Variants in UGGT2 observed in about 807,000 individuals in gnomAD.
The protein encoded by UGGT2 is UDP-glucose glycoprotein glucosyltransferase 2, also known as UDP-glucose:glycoprotein glucosyltransferase 2.
UGGT2 carries 180 observed loss-of-function variants against 192.1 expected under a neutral mutation model. The ratio of observed to expected loss-of-function variants is 0.94; its 90% CI spans 0.83 to 1.06. UGGT2 has a LOEUF of 1.06. UGGT2 is among the 50% of genes least tolerant of loss of function. UGGT2 has a pLI of 0.00. For synonymous variants in UGGT2, 580 were observed against 591.0 expected (o/e 0.98, Z 0.27); for missense variants, 1,849 against 1,795.7 (o/e 1.03, Z -0.54).
At chr13:95,979,642 A>C (rs1465895441) in intron 10 of UGGT2, among the ~76,000 whole-genome samples, 2 of 150,878 alleles carry the variant, frequency 1.3e-5, no homozygotes, top group East Asian at 2.0e-4. Flanking sequence ...TATTCTTCTT[A>C]TTATGAGTAA....
chr13:95,895,398 GC>G, intron 22 of UGGT2, 94 bp from the exon 23 acceptor site: 1 of 790,932 alleles, frequency 1.3e-6, no homozygotes, highest in East Asian at 3.3e-5. Context: ...TCTTTATTAA[GC>G]AAAAATGAAT....
chr13:95,954,823 C>CCA (rs1303648154), intron 12 of UGGT2, among the ~76,000 whole-genome samples: 1 of 152,206 alleles, frequency 6.6e-6, no homozygotes, highest in East Asian at 1.9e-4. Context: ...GTGTCACAGG[C>CCA]CACTGGTCAC....
chr13:95,877,717 G>C lies in UGGT2; in HGVS notation c.3368C>G (p.Thr1123Arg). ...GTKNKPAVVD[T>R]IVMAHHGYFQ... ...ACTTACATGATGTGCCATCACTATT[G>C]TATCAACCACAGCAGGTTTATTTTT... Residue 1123 changes from threonine (T) to arginine (R), a missense_variant, in exon 28 of 39, where the codon ACA becomes AGA. By Grantham distance (71) the Thr-to-Arg change is moderately conservative. Transcript: ENST00000376747. 1.9e-6 allele frequency: 3 copies of C among 1,613,782 alleles called. No individual in the cohort carries two copies. Among genetic ancestry groups the C allele is most frequent in the Middle Eastern group, 1.7e-4 (1 of 6,058 alleles).
chr13:95,897,700 T>C (rs1386410931), intron 22 of UGGT2, among the ~76,000 whole-genome samples: 1 of 152,218 alleles, frequency 6.6e-6, no homozygotes, highest in African/African-American at 2.4e-5. Context: ...AGCTAAGTAT[T>C]ACATTATCGC....
chr13:95,882,980 T>C (rs2047536587), intron 27 of UGGT2, among the ~76,000 whole-genome samples: 1 of 152,182 alleles, frequency 6.6e-6, no homozygotes, highest in Non-Finnish European at 1.5e-5. Context: ...TTTTTTCACT[T>C]CTTATAAGAT....
At chr13:95,817,790 A>G (rs1002316287) in intron 38 of UGGT2, among the ~76,000 whole-genome samples, 4 of 152,174 alleles carry the variant, frequency 2.6e-5, no homozygotes, top group African/African-American at 9.6e-5. Context: ...TGAAAAACTT[A>G]AATTCTAAGA....
chr13:95,994,068 T>C (rs1168683448), intron 7 of UGGT2, among the ~76,000 whole-genome samples: 1 of 152,118 alleles, frequency 6.6e-6, no homozygotes, highest in Non-Finnish European at 1.5e-5. Context: ...TTTCTTTTCT[T>C]TGGGGCTATA....
intron 27 of UGGT2, among the ~76,000 whole-genome samples, chr13:95,880,389 A>G (rs1224463598): frequency 6.6e-6 from 1 of 152,238 alleles, no homozygotes; most frequent in Non-Finnish European, 1.5e-5. Flanking sequence ...GATAAATGAT[A>G]GTACATCTTT....
rs1594153202 is a variant in UGGT2 at position 95,853,655 on chromosome 13, G to A, written c.4172C>T (p.Ala1391Val). ...CTTCTTGAGATCCACTACATATAAA[G>A]CACTGCAAAAATGAATTACTTCTTG... ...HLLRRKYHIS[A>V]LYVVDLKKFR... The change falls in exon 36 of 39, where the codon GCT becomes GTT. Residue 1391 changes from alanine (A) to valine (V), a missense_variant and splice_region_variant. Physicochemically the swap from Ala to Val is moderately conservative, Grantham distance 64. Transcript: ENST00000376747. 11 of 1,548,250 alleles carry A rather than the reference G, an allele frequency of 7.1e-6. No homozygotes were observed. The East Asian group carries it at 2.6e-4, about 36-fold the overall frequency.
chr13:96,001,334 C>A (rs1011561957), intron 5 of UGGT2, among the ~76,000 whole-genome samples: 24 of 152,134 alleles, frequency 1.6e-4, no homozygotes, highest in Non-Finnish European at 1.2e-4. Context: ...AGCTCCCCCA[C>A]TGAGTACCTT....
intron 1 of UGGT2, among the ~76,000 whole-genome samples, chr13:96,044,078 G>T (rs917478212): frequency 6.6e-6 from 1 of 152,022 alleles, no homozygotes; most frequent in Admixed American, 6.6e-5. Flanking sequence ...TTCATCATCA[G>T]TGCATGAAAC....
chr13:95,875,219 T>G (rs768611480), intron 29 of UGGT2, among the ~76,000 whole-genome samples: 3 of 152,240 alleles, frequency 2.0e-5, no homozygotes, highest in Non-Finnish European at 4.4e-5. Context: ...CATTCTGTAC[T>G]TATCCATATA....
At chr13:95,884,807 T>C in intron 26 of UGGT2, 127 bp from the exon 27 acceptor site, 1 of 857,440 alleles carries the variant, frequency 1.2e-6, no homozygotes, top group Non-Finnish European at 1.7e-6. Flanking sequence ...TAAGATGCAT[T>C]ATACTGCAGA....
At chr13:96,000,990 T>C (rs1406719190) in intron 5 of UGGT2, among the ~76,000 whole-genome samples, 3 of 152,220 alleles carry the variant, frequency 2.0e-5, no homozygotes, top group South Asian at 2.1e-4. Flanking sequence ...ATTTTGAACA[T>C]AAAAGATGTC....
At chr13:95,947,207 T>TA in intron 14 of UGGT2, 35 bp from the exon 15 acceptor site, 1 of 1,540,966 alleles carries the variant, frequency 6.5e-7, no homozygotes, top group Non-Finnish European at 8.8e-7. Context: ...CTGTTATAAT[T>TA]ACCTCTTGAA....
intron 12 of UGGT2, among the ~76,000 whole-genome samples, chr13:95,960,926 A>G (rs2050371671): frequency 6.6e-6 from 1 of 152,158 alleles, no homozygotes; most frequent in South Asian, 2.1e-4. Flanking sequence ...AGGATACTAT[A>G]CCCAGCAAAG....
chr13:95,898,324 A>ACCCAATAT (rs1017903235), intron 22 of UGGT2, among the ~76,000 whole-genome samples: 1 of 151,764 alleles, frequency 6.6e-6, no homozygotes, highest in African/African-American at 2.4e-5. Context: ...TTCCTATAAA[A>ACCCAATAT]CCCAATATGA....
At chr13:95,813,499 T>C (rs138261008) in intron 38 of UGGT2, among the ~76,000 whole-genome samples, 141 of 152,312 alleles carry the variant, frequency 9.3e-4, no homozygotes, top group African/African-American at 3.3e-3. Context: ...TGGCTGTTTC[T>C]AGCAAGCTAT....
intron 3 of UGGT2, among the ~76,000 whole-genome samples, 161 bp downstream of exon 3, chr13:96,023,468 A>G (rs1221705946): frequency 1.3e-5 from 2 of 152,160 alleles, no homozygotes; most frequent in East Asian, 1.9e-4. Flanking sequence ...ATTCAATTAC[A>G]TTATAATAAA....
Sources: gnomAD v4.1 joint callset for allele counts (sites outside exome capture counted in the v4.1 genomes callset) on GRCh38, gnomAD v4.1.1 for gene constraint, MANE v1.5 for transcripts, NCBI Gene and HGNC (gene_info 2026-07-23, HGNC 2026-07-21) for gene names.